Variants in PPP1R12B observed in about 807,000 individuals in gnomAD.
PPP1R12B encodes the protein myosin phosphatase target subunit 2.
In PPP1R12B, 76 loss-of-function variants were observed where a neutral mutation model predicts 126.1. The observed-to-expected ratio is 0.60, with a 90% CI of 0.50 to 0.73. The LOEUF (loss-of-function observed/expected upper bound fraction) is 0.73. PPP1R12B is among the 30% of genes least tolerant of loss of function. PPP1R12B has a pLI of 0.00. For missense variants in PPP1R12B, 1,052 were observed against 1,205.1 expected, an observed-to-expected ratio of 0.87 and a Z score of 1.88; for synonymous variants, 356 against 434.7, an observed-to-expected ratio of 0.82 and a Z score of 2.25.
chr1:202,420,788 A>G lies in PPP1R12B; in HGVS notation c.423-1832A>G, dbSNP rs376605672. On this transcript the variant is annotated intron_variant, in intron 2 of 23. Transcript: ENST00000608999. ...AAGGTCTGTCTTCCTCTGAGACTATAAGGGAAAGAAGGAGATGGTTAAAAG... is the reference window on the plus strand; with the variant it reads ...AAGGTCTGTCTTCCTCTGAGACTATGAGGGAAAGAAGGAGATGGTTAAAAG... Among the ~76,000 whole-genome samples the G allele has an allele frequency of 5.3e-5, 8 of 152,286 alleles. No individual in the cohort carries two copies. In the East Asian group the frequency reaches 9.6e-4, roughly 18 times the overall value.
At chr1:202,434,909 A>T in intron 9 of PPP1R12B, 141 bp downstream of exon 9, 1 of 1,403,584 alleles carries the variant, frequency 7.1e-7, no homozygotes, top group Non-Finnish European at 9.4e-7. Context: ...AACAAAAAAC[A>T]CAGGCTGGGT....
intron 1 of PPP1R12B, among the ~76,000 whole-genome samples, chr1:202,386,247 A>G (rs1170507281): frequency 2.0e-5 from 3 of 151,586 alleles, no homozygotes; most frequent in African/African-American, 7.3e-5. Flanking sequence ...CTATTTTTCT[A>G]TAGTAAAAAA....
chr1:202,452,363 C>T (rs1408621503), intron 13 of PPP1R12B, among the ~76,000 whole-genome samples: 2 of 152,330 alleles, frequency 1.3e-5, no homozygotes, highest in Non-Finnish European at 2.9e-5. Flanking sequence ...GCCTGGCCAA[C>T]ACAGCGAAAC....
chr1:202,507,577 A>C (rs751630991), intron 18 of PPP1R12B, among the ~76,000 whole-genome samples: 4 of 152,210 alleles, frequency 2.6e-5, no homozygotes, highest in Non-Finnish European at 5.9e-5. Context: ...GTATTTTTCC[A>C]AAGTTTTTCT....
At chr1:202,468,741 G>A (rs1440695640) in intron 13 of PPP1R12B, among the ~76,000 whole-genome samples, 1 of 152,130 alleles carries the variant, frequency 6.6e-6, no homozygotes, top group Non-Finnish European at 1.5e-5. Flanking sequence ...ATCACCTGAG[G>A]TCAGGAGTTC....
intron 13 of PPP1R12B, among the ~76,000 whole-genome samples, chr1:202,467,595 C>G (rs543852781): frequency 1.0e-3 from 156 of 152,092 alleles, no homozygotes; most frequent in African/African-American, 3.7e-3. Flanking sequence ...GGTGTATATG[C>G]GCCACATTTT....
chr1:202,495,568 A>G lies in PPP1R12B; in HGVS notation c.2336-2A>G. ...TTCATACTTTATTTTATCTCTGGCC[A>G]GAGAATGAAGAAGCAGATTTGGATG... is the stretch of plus-strand genomic sequence containing the variant. On this transcript the variant is annotated splice_acceptor_variant, in intron 16 of 23. Coordinates refer to ENST00000608999, the MANE Select transcript of PPP1R12B (RefSeq NM_002481.4). LOFTEE classifies it high-confidence loss of function. 6.2e-7 allele frequency: 1 copy of G among 1,614,024 alleles called. No homozygotes were observed. The highest frequency in any genetic ancestry group is 2.2e-5 in the East Asian group (1 of 44,862).
chr1:202,591,081 G>C lies in PPP1R12B; in HGVS notation c.*10521G>C, dbSNP rs569286083. On this transcript the variant is annotated 3_prime_UTR_variant, in exon 24 of 24. Transcript: ENST00000608999. ...GGAGAGTGGGAGGGCCCCAGAGAGAGCTGGAGGAAGCAAGACATGTCTTCA... is the reference window on the plus strand; with the variant it reads ...GGAGAGTGGGAGGGCCCCAGAGAGACCTGGAGGAAGCAAGACATGTCTTCA... The C allele has an allele frequency of 1.3e-5, 2 of 152,382 alleles. No individual in the cohort carries two copies. The highest frequency in any genetic ancestry group is 3.9e-4 in the East Asian group (2 of 5,174). The allele number at this position is 152,382 out of a possible 1,614,324, so 9.4% of individuals were successfully genotyped here.
In PPP1R12B at chr1:202,508,568, G is replaced by GT. The variant is rs1263523270; in HGVS notation, c.2490+11749dup. On this transcript the variant is annotated intron_variant, in intron 18 of 23. Coordinates refer to ENST00000608999, the MANE Select transcript of PPP1R12B (RefSeq NM_002481.4). This position sits in a 1 kb window ranked among gnomAD's most constrained non-coding sequence, Gnocchi z 4.5. ...GAAGCATTTTAAAGGCAAACAACATGTTTGAGTATTATGTCACCAAATAAA... is the reference window on the plus strand; with the variant it reads ...GAAGCATTTTAAAGGCAAACAACATGTTTTGAGTATTATGTCACCAAATAAA... Among the ~76,000 whole-genome samples, 1 of 152,214 alleles carries GT rather than the reference G, an allele frequency of 6.6e-6. No individual in the cohort carries two copies. Among genetic ancestry groups the GT allele is most frequent in the Admixed American group, 6.5e-5 (1 of 15,284 alleles).
chr1:202,407,904 AT>A (rs895070166), intron 1 of PPP1R12B, among the ~76,000 whole-genome samples: 1 of 152,198 alleles, frequency 6.6e-6, no homozygotes, highest in Non-Finnish European at 1.5e-5. Flanking sequence ...AAAATAAAAA[AT>A]AAAAATTTAA....
chr1:202,400,493 T>C (rs1376122540), intron 1 of PPP1R12B, among the ~76,000 whole-genome samples: 1 of 152,106 alleles, frequency 6.6e-6, no homozygotes, highest in Non-Finnish European at 1.5e-5. Context: ...GGCTTCATAG[T>C]GAAGGTAATG....
Position 202,427,103 on chromosome 1 carries a change from T to C in PPP1R12B, c.765T>C (p.His255=), listed in dbSNP as rs1263434238. 6.8e-6 allele frequency: 11 copies of C among 1,614,088 alleles called. No homozygotes were observed. Among genetic ancestry groups the C allele is most frequent in the Admixed American group, 1.7e-5 (1 of 59,994 alleles). The change falls in exon 5 of 24, where the codon CAT becomes CAC. Residue 255 remains histidine (H), a synonymous_variant. Transcript: ENST00000608999. ...ATTATGATGGCTGGACTCCCCTCCA[T>C]GCTGCTGCACACTGGGGAGTGAAGG... The part of the protein sequence containing the change: ...VQDYDGWTPL[H]AAAHWGVKEA...
chr1:202,559,439 TA>T (rs1687298105), intron 19 of PPP1R12B, among the ~76,000 whole-genome samples: 1 of 152,158 alleles, frequency 6.6e-6, no homozygotes, highest in East Asian at 1.9e-4. Context: ...ATGAACAAAC[TA>T]AAGACCTGTT....
intron 18 of PPP1R12B, among the ~76,000 whole-genome samples, chr1:202,523,399 C>A (rs537131832): frequency 6.6e-6 from 1 of 152,250 alleles, no homozygotes; most frequent in Admixed American, 6.5e-5. Context: ...CTGAGTATAT[C>A]TTATTGACAG....
intron 1 of PPP1R12B, 23 bp from the exon 2 acceptor site, chr1:202,416,764 A>T: frequency 6.2e-7 from 1 of 1,610,060 alleles, no homozygotes. Flanking sequence ...TTGTTGAATG[A>T]ATGAATGGAC....
chr1:202,430,710 C>T, intron 6 of PPP1R12B, 21 bp from the exon 7 acceptor site: 1 of 1,610,704 alleles, frequency 6.2e-7, no homozygotes, highest in Non-Finnish European at 8.5e-7. Context: ...TCCCTTTTCT[C>T]TCTGTTTTCT....
Position 202,588,872 on chromosome 1 carries a change from T to TAGATGATAGATAGATA in PPP1R12B, c.*8313_*8314insGATGATAGATAGATAA, listed in dbSNP as rs111697917. 2 of 147,078 alleles carry TAGATGATAGATAGATA rather than the reference T, an allele frequency of 1.4e-5. No individual in the cohort carries two copies. The highest frequency in any genetic ancestry group is 3.5e-3 in the Middle Eastern group (1 of 286). 9.1% of individuals were successfully genotyped at this position (147,078 alleles called of 1,614,324 possible). Reference sequence around the variant, plus strand: ...ATAGATAGATAGATAGATAGATAGATATCAAGGTTCCAAGCTTCAAGTAAC... The same window carrying TAGATGATAGATAGATA: ...ATAGATAGATAGATAGATAGATAGATAGATGATAGATAGATAATCAAGGTTCCAAGCTTCAAGTAAC... On this transcript the variant is annotated 3_prime_UTR_variant, in exon 24 of 24. Coordinates refer to ENST00000608999, the MANE Select transcript of PPP1R12B (RefSeq NM_002481.4).
chr1:202,494,791 A>C (rs939638022), intron 15 of PPP1R12B, among the ~76,000 whole-genome samples: 1 of 152,126 alleles, frequency 6.6e-6, no homozygotes, highest in African/African-American at 2.4e-5. Context: ...AGAAAGTTTC[A>C]GTAAGCCTGG....
intron 13 of PPP1R12B, among the ~76,000 whole-genome samples, chr1:202,455,318 A>G (rs550521212): frequency 4.3e-4 from 66 of 152,332 alleles, no homozygotes; most frequent in African/African-American, 1.6e-3. Flanking sequence ...AGTAAATTAC[A>G]GAACATTTTC....
Sources: allele counts gnomAD v4.1 joint callset (sites outside exome capture counted in the v4.1 genomes callset), GRCh38; gene constraint gnomAD v4.1.1; non-coding constraint Gnocchi (gnomAD v3.1); transcripts MANE v1.5; gene names NCBI Gene and HGNC (gene_info 2026-07-23, HGNC 2026-07-21).